Variants in UST observed in about 807,000 individuals in gnomAD.
The protein encoded by UST is chondroitin sulfate 2-O-sulfotransferase.
UST carries 21 observed loss-of-function variants against 45.6 expected under a neutral mutation model. That is an observed-to-expected ratio of 0.46 (90% CI 0.33 to 0.66). The LOEUF (loss-of-function observed/expected upper bound fraction) is 0.66. Among genes scored for constraint, UST ranks in the 30% least tolerant of loss-of-function variants. The pLI is 0.02. For synonymous variants in UST, 215 were observed against 200.6 expected (o/e 1.07, Z -0.61); for missense variants, 463 against 512.4 (o/e 0.90, Z 0.93).
intron 5 of UST, among the ~76,000 whole-genome samples, chr6:148,968,197 G>A (rs144970240): frequency 2.0e-5 from 3 of 152,302 alleles, no homozygotes; most frequent in Non-Finnish European, 2.9e-5. Context: ...ATGTAACATC[G>A]TCTCTCCATC....
Position 149,054,200 on chromosome 6 carries a change from A to G in UST, c.938-19633A>G, listed in dbSNP as rs186586962. 7.9e-5 allele frequency among the ~76,000 whole-genome samples: 12 copies of G among 152,344 alleles called. No individual in the cohort carries two copies. The East Asian group carries it at 1.9e-3, about 24-fold the overall frequency. On this transcript the variant is annotated intron_variant, in intron 7 of 7. Transcript: ENST00000367463. ...GGGTGCGGTAGAATTAAATCTACCC[A>G]AAGAAGAGCCAAAGAGCTTTCACTT...
intron 5 of UST, among the ~76,000 whole-genome samples, chr6:148,965,340 C>T (rs1215897851): frequency 6.6e-6 from 1 of 152,156 alleles, no homozygotes; most frequent in Admixed American, 6.5e-5. Flanking sequence ...CAGCCTGGTG[C>T]CCAGGAGGCT....
chr6:148,864,847 T>G (rs1419335871), intron 1 of UST, among the ~76,000 whole-genome samples: 3 of 152,250 alleles, frequency 2.0e-5, no homozygotes, highest in African/African-American at 7.2e-5. Flanking sequence ...CTGGTTTCCC[T>G]TGTTTTGCCC....
chr6:148,930,025 T>G (rs773860899), intron 2 of UST, among the ~76,000 whole-genome samples: 10 of 152,184 alleles, frequency 6.6e-5, no homozygotes, highest in Non-Finnish European at 1.2e-4. Flanking sequence ...AGGTGTACTT[T>G]GCAAAGGGAA....
At position 148,967,111 on chromosome 6, in the gene UST, G is replaced by T. The variant is rs149499362; in HGVS notation, c.681+2548G>T. Among the ~76,000 whole-genome samples, 31 of 152,336 alleles carry T rather than the reference G, an allele frequency of 2.0e-4. No homozygotes were observed. The East Asian group carries it at 6.0e-3, about 29-fold the overall frequency. ...TTGGGGCAAGTGTTATATTTTTGAAGAGCTGGTAACTGCCTTTGTTATGTG... is the reference window on the plus strand; with the variant it reads ...TTGGGGCAAGTGTTATATTTTTGAATAGCTGGTAACTGCCTTTGTTATGTG... On this transcript the variant is annotated intron_variant, in intron 5 of 7. Coordinates refer to ENST00000367463, the MANE Select transcript of UST (RefSeq NM_005715.3).
At chr6:148,818,786 A>C (rs943168186) in intron 1 of UST, among the ~76,000 whole-genome samples, 2 of 152,220 alleles carry the variant, frequency 1.3e-5, no homozygotes, top group Non-Finnish European at 2.9e-5. Flanking sequence ...AGTCCACTCA[A>C]ATTGTATACT....
chr6:149,008,293 C>T (rs1330403866), intron 5 of UST, among the ~76,000 whole-genome samples: 1 of 152,144 alleles, frequency 6.6e-6, no homozygotes, highest in Admixed American at 6.5e-5. Context: ...GATTTGCAAT[C>T]AGTATTTCTA....
At chr6:149,059,210 C>G (rs1012377240) in intron 7 of UST, among the ~76,000 whole-genome samples, 1 of 152,170 alleles carries the variant, frequency 6.6e-6, no homozygotes, top group Admixed American at 6.5e-5. Context: ...GCCATCTCCT[C>G]CAGCCCTGTC....
intron 1 of UST, among the ~76,000 whole-genome samples, chr6:148,835,003 G>T (rs1184384654): frequency 6.6e-6 from 1 of 152,100 alleles, no homozygotes; most frequent in Non-Finnish European, 1.5e-5. Context: ...CAAGAAACTT[G>T]AAAACTTTTT....
chr6:148,845,675 C>G (rs191526939), intron 1 of UST, among the ~76,000 whole-genome samples: 1 of 152,250 alleles, frequency 6.6e-6, no homozygotes, highest in Admixed American at 6.5e-5. Context: ...AGAGTAGAAA[C>G]ATGTTTAACT....
chr6:148,806,705 C>T (rs1181291747), intron 1 of UST, among the ~76,000 whole-genome samples: 1 of 152,206 alleles, frequency 6.6e-6, no homozygotes, highest in Non-Finnish European at 1.5e-5. Flanking sequence ...AGCTGACTCA[C>T]TGGTCTGGAG....
chr6:148,765,869 A>C (rs988878926), intron 1 of UST, among the ~76,000 whole-genome samples: 1 of 152,190 alleles, frequency 6.6e-6, no homozygotes, highest in African/African-American at 2.4e-5. Context: ...TGCTCTGGCT[A>C]GGACTTCTAC....
intron 2 of UST, among the ~76,000 whole-genome samples, chr6:148,893,841 G>A (rs1175216359): frequency 6.6e-6 from 1 of 152,136 alleles, no homozygotes; most frequent in Non-Finnish European, 1.5e-5. Flanking sequence ...TGAATAGGAG[G>A]AACTAACTAG....
At chr6:149,061,234 T>C (rs551666245) in intron 7 of UST, among the ~76,000 whole-genome samples, 52 of 152,340 alleles carry the variant, frequency 3.4e-4, no homozygotes, top group African/African-American at 1.2e-3. Flanking sequence ...TACATCGTTT[T>C]TCCATTATGC....
Position 149,002,785 on chromosome 6 carries a change from G to A in UST, c.682-16354G>A, listed in dbSNP as rs1264877187. Among the ~76,000 whole-genome samples, 8 of 152,312 alleles carry A rather than the reference G, an allele frequency of 5.3e-5. 1 individual carries two copies. The East Asian group carries it at 1.5e-3, about 29-fold the overall frequency. On this transcript the variant is annotated intron_variant, in intron 5 of 7. Coordinates refer to ENST00000367463, the MANE Select transcript of UST (RefSeq NM_005715.3). ...GCATCCCAAAGTGCTGGGATTACAG[G>A]CGTGAGCCACTGCGCCTGGCCGTAT...
intron 5 of UST, among the ~76,000 whole-genome samples, chr6:148,988,225 T>C (rs118136181): frequency 1.3e-5 from 2 of 152,122 alleles, no homozygotes; most frequent in East Asian, 3.9e-4. Flanking sequence ...AAACTTGACA[T>C]TGAACAGTTA....
At chr6:148,789,227 C>A (rs1267390096) in intron 1 of UST, among the ~76,000 whole-genome samples, 1 of 152,100 alleles carries the variant, frequency 6.6e-6, no homozygotes, top group African/African-American at 2.4e-5. Context: ...TTTTAACAAC[C>A]ATTTTAGCTG....
chr6:149,033,960 G>A lies in UST; in HGVS notation c.937+12479G>A, dbSNP rs60645816. Among the ~76,000 whole-genome samples the A allele has an allele frequency of 6.6e-5, 10 of 152,050 alleles. No individual in the cohort carries two copies. In the East Asian group the frequency reaches 7.7e-4, roughly 12 times the overall value. On this transcript the variant is annotated intron_variant, in intron 7 of 7. Transcript: ENST00000367463. ...TTTCAGCGCAGCTAGATGTTTCTTCGGATAATCACCGCGCTATCTGTAACT... is the reference window on the plus strand; with the variant it reads ...TTTCAGCGCAGCTAGATGTTTCTTCAGATAATCACCGCGCTATCTGTAACT...
At chr6:148,920,436 T>G (rs1392242755) in intron 2 of UST, among the ~76,000 whole-genome samples, 1 of 152,152 alleles carries the variant, frequency 6.6e-6, no homozygotes, top group Non-Finnish European at 1.5e-5. Context: ...TTCACCCTCT[T>G]CTGATGCCCT....
Sources: allele counts gnomAD v4.1 joint callset (sites outside exome capture counted in the v4.1 genomes callset), GRCh38; gene constraint gnomAD v4.1.1; transcripts MANE v1.5; gene names NCBI Gene and HGNC (gene_info 2026-07-23, HGNC 2026-07-21).